Variants in CCDC80 observed in about 807,000 individuals in gnomAD.
The protein encoded by CCDC80 is coiled-coil domain-containing protein 80.
A neutral mutation model predicts 78.7 loss-of-function variants in CCDC80; 49 were observed. The ratio of observed to expected loss-of-function variants is 0.62; its 90% CI spans 0.50 to 0.79. CCDC80 has a LOEUF of 0.79. Ranked by LOEUF, CCDC80 falls within the 30% of genes least tolerant of loss-of-function variation. CCDC80 has a pLI of 0.00. For synonymous variants in CCDC80, 488 were observed against 447.0 expected, an observed-to-expected ratio of 1.09 and a Z score of -1.16; for missense variants, 1,205 against 1,198.6, an observed-to-expected ratio of 1.01 and a Z score of -0.08.
Position 112,600,395 on chromosome 3 carries a change from A to G in CCDC80, c.*5022T>C, listed in dbSNP as rs757072749. 2 of 152,222 alleles carry G rather than the reference A, an allele frequency of 1.3e-5. No individual in the cohort carries two copies. The highest frequency in any genetic ancestry group is 2.9e-5 in the Non-Finnish European group (2 of 68,042). The allele number at this position is 152,222 out of a possible 1,614,324, so 9.4% of individuals were successfully genotyped here. ...AAAGTAATCTCAGGTTGTAAAAAAG[A>G]ACTATCTTTTTTTGGTTGCAGGAGC... On this transcript the variant is annotated 3_prime_UTR_variant, in exon 8 of 8. Coordinates refer to ENST00000206423, the MANE Select transcript of CCDC80 (RefSeq NM_199511.3).
At chr3:112,611,647 A>G (rs1935631062) in intron 5 of CCDC80, among the ~76,000 whole-genome samples, 2 of 152,210 alleles carry the variant, frequency 1.3e-5, no homozygotes, top group African/African-American at 4.8e-5. Context: ...CTACCCTCAG[A>G]CACTGATATT....
rs1936327876 is a variant in CCDC80, at chr3:112,640,976, A to C, written c.-661T>G. The C allele has an allele frequency of 6.6e-6, 1 of 151,596 alleles. No homozygotes were observed. The highest frequency in any genetic ancestry group is 6.6e-5 in the Admixed American group (1 of 15,216). 9.4% of individuals were successfully genotyped at this position (151,596 alleles called of 1,614,324 possible). Reference sequence around the variant, plus strand: ...TTTCTTCTTTCTCTTGCCTGGATTCAGTCCCAGAAATGTTAGGACTACCTC... The same window carrying C: ...TTTCTTCTTTCTCTTGCCTGGATTCCGTCCCAGAAATGTTAGGACTACCTC... On this transcript the variant is annotated 5_prime_UTR_variant, in exon 1 of 8. Transcript: ENST00000206423.
At chr3:112,609,907 A>G (rs926424067) in intron 6 of CCDC80, 71 bp downstream of exon 6, 3 of 1,066,768 alleles carry the variant, frequency 2.8e-6, no homozygotes, top group East Asian at 4.7e-5. Context: ...CTAAGGTTCT[A>G]TGTTCCATTT....
chr3:112,624,997 T>C (rs55734628), intron 3 of CCDC80, among the ~76,000 whole-genome samples: 3,930 of 152,208 alleles, frequency 0.026, 168 homozygotes, highest in African/African-American at 0.089. Context: ...AATGAGTCAT[T>C]ATCTTGGAGT....
Position 112,610,036 on chromosome 3 carries a change from A to G in CCDC80, c.2367T>C (p.Asp789=), listed in dbSNP as rs540598306. Residue 789 remains aspartate (D), a synonymous_variant, in exon 6 of 8, where the codon GAT becomes GAC. Coordinates refer to ENST00000206423, the MANE Select transcript of CCDC80 (RefSeq NM_199511.3). The part of the protein sequence containing the change: ...RRLLVISAPN[D]EDWAYSQQLS... ...GCTGCTGTGAATAGGCCCAGTCTTCATCGTTAGGAGCAGAGATCACCAGCA... is the reference window on the plus strand; with the variant it reads ...GCTGCTGTGAATAGGCCCAGTCTTCGTCGTTAGGAGCAGAGATCACCAGCA... The G allele has an allele frequency of 6.2e-7, 1 of 1,614,110 alleles. No individual in the cohort carries two copies. Among genetic ancestry groups the G allele is most frequent in the Non-Finnish European group, 8.5e-7 (1 of 1,180,004 alleles).
intron 3 of CCDC80, among the ~76,000 whole-genome samples, chr3:112,622,768 A>G (rs1056011853): frequency 6.8e-6 from 1 of 147,330 alleles, no homozygotes; most frequent in African/African-American, 2.5e-5. Flanking sequence ...TGATCCTTCC[A>G]CCTCAGCCTC....
At chr3:112,615,166 G>A (rs1935708650) in intron 5 of CCDC80, among the ~76,000 whole-genome samples, 1 of 152,154 alleles carries the variant, frequency 6.6e-6, no homozygotes, top group African/African-American at 2.4e-5. Flanking sequence ...TGAATGGTAA[G>A]TTCTGTACCC....
chr3:112,621,586 A>G (rs1169248206), intron 3 of CCDC80, among the ~76,000 whole-genome samples: 2 of 152,208 alleles, frequency 1.3e-5, no homozygotes, highest in Admixed American at 1.3e-4. Context: ...TTATGGCAAT[A>G]GAAAACTGAA....
At chr3:112,636,349 C>T (rs1344690858) in intron 2 of CCDC80, among the ~76,000 whole-genome samples, 2 of 152,008 alleles carry the variant, frequency 1.3e-5, no homozygotes, top group African/African-American at 4.8e-5. Context: ...GACCTGATAA[C>T]CCAAGTTTAT....
At chr3:112,610,783 T>G (rs772514462) in intron 5 of CCDC80, among the ~76,000 whole-genome samples, 1 of 152,160 alleles carries the variant, frequency 6.6e-6, no homozygotes, top group Non-Finnish European at 1.5e-5. Flanking sequence ...TATAGTAAAC[T>G]TAGTTTCTGT....
chr3:112,603,313 G>A lies in CCDC80; in HGVS notation c.*2104C>T, dbSNP rs1935407833. Reference sequence around the variant, plus strand: ...AGGCCGAGGCCAAAGTCAGTAGTTCGAGACCACCCTGACTAACATGGTGAA... The same window carrying A: ...AGGCCGAGGCCAAAGTCAGTAGTTCAAGACCACCCTGACTAACATGGTGAA... On this transcript the variant is annotated 3_prime_UTR_variant, in exon 8 of 8. Coordinates refer to ENST00000206423, the MANE Select transcript of CCDC80 (RefSeq NM_199511.3). 2 of 151,744 alleles carry A rather than the reference G, an allele frequency of 1.3e-5. No homozygotes were observed. Among genetic ancestry groups the A allele is most frequent in the Admixed American group, 6.6e-5 (1 of 15,212 alleles). The allele number at this position is 151,744 out of a possible 1,614,324, so 9.4% of individuals were successfully genotyped here. A position where few individuals can be genotyped will look rare whatever the true frequency, so the allele number is the denominator to read the frequency against.
At chr3:112,620,374 C>G (rs1169299088) in intron 3 of CCDC80, among the ~76,000 whole-genome samples, 1 of 152,110 alleles carries the variant, frequency 6.6e-6, no homozygotes, top group Non-Finnish European at 1.5e-5. Context: ...TAGATGAGAA[C>G]CAAGCACTGT....
intron 7 of CCDC80, among the ~76,000 whole-genome samples, chr3:112,606,260 G>A (rs1935486556): frequency 6.6e-6 from 1 of 152,216 alleles, no homozygotes; most frequent in Admixed American, 6.6e-5. Context: ...AGAATAGAGG[G>A]GAAGGAGAAA....
chr3:112,638,035 C>A lies in CCDC80; in HGVS notation c.1871G>T (p.Arg624Ile). Reference protein sequence around the residue: ...DLLGSFEGKRRLLLITAPKAE... With the variant: ...DLLGSFEGKRILLLITAPKAE... Reference sequence around the variant, plus strand: ...AAGGAGAAGGCTACTTACAAGGAGTCTTCGTTTGCCTTCAAAGGACCCCAG... The same window carrying A: ...AAGGAGAAGGCTACTTACAAGGAGTATTCGTTTGCCTTCAAAGGACCCCAG... Residue 624 changes from arginine to isoleucine, a missense_variant, in exon 2 of 8, where the codon AGA becomes ATA. By Grantham distance (97) the Arg-to-Ile change is moderately conservative (BLOSUM62 -3). Transcript: ENST00000206423. The A allele has an allele frequency of 6.2e-7, 1 of 1,600,448 alleles. No individual in the cohort carries two copies. Among genetic ancestry groups the A allele is most frequent in the South Asian group, 1.1e-5 (1 of 87,890 alleles).
chr3:112,625,379 G>C (rs1418568030), intron 3 of CCDC80, among the ~76,000 whole-genome samples: 2 of 152,202 alleles, frequency 1.3e-5, no homozygotes, highest in African/African-American at 4.8e-5. Context: ...TTTCTATTTA[G>C]TCTAACAATC....
At chr3:112,606,403 GT>G (rs1346251739) in intron 7 of CCDC80, among the ~76,000 whole-genome samples, 1 of 95,972 alleles carries the variant, frequency 1.0e-5, no homozygotes, top group Non-Finnish European at 1.7e-5. Flanking sequence ...GTCTTTTTTT[GT>G]TTTGTTTTGT....
chr3:112,610,323 A>T lies in CCDC80; in HGVS notation c.2322-242T>A, dbSNP rs1442633890. 7 of 503,606 alleles carry T rather than the reference A, an allele frequency of 1.4e-5. No individual in the cohort carries two copies. In the East Asian group the frequency reaches 2.2e-4, roughly 16 times the overall value. The allele number at this position is 503,606 out of a possible 1,614,324, so 31.2% of individuals were successfully genotyped here. A position where few individuals can be genotyped will look rare whatever the true frequency, so the allele number is the denominator to read the frequency against. On this transcript the variant is annotated intron_variant, in intron 5 of 7. Coordinates refer to ENST00000206423, the MANE Select transcript of CCDC80 (RefSeq NM_199511.3). ...GCATTTGCATGACGTGTCAAGCATG[A>T]GTCTGTGGTCACAATGCCTAATGAG...
At position 112,631,236 on chromosome 3, in the gene CCDC80, A is replaced by G. The variant is rs190250620; in HGVS notation, c.1879-967T>C. The stretch of plus-strand genomic sequence containing the variant: ...GCTGCCCTTCCCTGAGCCTTCTCCA[A>G]TTTTACCAATTTTACTCAATCCTTG... On this transcript the variant is annotated intron_variant, in intron 2 of 7. Coordinates refer to ENST00000206423, the MANE Select transcript of CCDC80 (RefSeq NM_199511.3). Among the ~76,000 whole-genome samples, 182 of 152,164 alleles carry G rather than the reference A, an allele frequency of 1.2e-3. 1 individual carries two copies. In the Middle Eastern group the frequency reaches 0.014, roughly 11 times the overall value.
Position 112,638,914 on chromosome 3 carries a change from A to T in CCDC80, c.992T>A (p.Leu331Gln). 6.2e-7 allele frequency: 1 copy of T among 1,613,280 alleles called. No homozygotes were observed. The highest frequency in any genetic ancestry group is 8.5e-7 in the Non-Finnish European group (1 of 1,179,944). The stretch of plus-strand genomic sequence containing the variant: ...TGGTGCAGTGGCGGCCAGTTTTCTC[A>T]GGACCTTCACCCGACTCTCTCTGGT... ...PPTRESRVKV[L>Q]RKLAATAPAL... Residue 331 changes from leucine (L) to glutamine (Q), a missense_variant, in exon 2 of 8, where the codon CTG (leucine) becomes CAG (glutamine). By Grantham distance (113) the Leu-to-Gln change is moderately radical. Coordinates refer to ENST00000206423, the MANE Select transcript of CCDC80 (RefSeq NM_199511.3).
Sources: allele counts gnomAD v4.1 joint callset (sites outside exome capture counted in the v4.1 genomes callset), GRCh38; gene constraint gnomAD v4.1.1; transcripts MANE v1.5; gene names NCBI Gene and HGNC (gene_info 2026-07-23, HGNC 2026-07-21).